The following CEP162 variants were observed in gnomAD, a reference collection of about 807,000 sequenced individuals.
CEP162 encodes centrosomal protein of 162 kDa.
In CEP162, 141 loss-of-function variants were observed where a neutral mutation model predicts 169.2. The observed-to-expected ratio is 0.83, with a 90% CI of 0.73 to 0.96. The LOEUF (loss-of-function observed/expected upper bound fraction) is 0.96, where lower values mean the gene tolerates loss of function less well. CEP162 is among the 40% of genes least tolerant of loss of function. The pLI, the probability that CEP162 is intolerant of heterozygous loss-of-function variation, is 0.00. For missense variants in CEP162, 1,600 were observed against 1,587.2 expected, an observed-to-expected ratio of 1.01 and a Z score of -0.14; for synonymous variants, 540 against 526.4, an observed-to-expected ratio of 1.03 and a Z score of -0.35.
chr6:84,164,624 C>T (rs2099527073), intron 18 of CEP162, among the ~76,000 whole-genome samples: 1 of 152,084 alleles, frequency 6.6e-6, no homozygotes, highest in Non-Finnish European at 1.5e-5. Flanking sequence ...CATGTTCTCA[C>T]TCATAAGTGG....
At chr6:84,220,525 C>T (rs1284338469) in intron 3 of CEP162, among the ~76,000 whole-genome samples, 3 of 152,042 alleles carry the variant, frequency 2.0e-5, no homozygotes, top group Admixed American at 6.6e-5. Flanking sequence ...CTCAGAAAGC[C>T]GAGGTGGGAA....
At chr6:84,138,057 A>G (rs2099514920) in intron 25 of CEP162, among the ~76,000 whole-genome samples, 1 of 152,228 alleles carries the variant, frequency 6.6e-6, no homozygotes, top group South Asian at 2.1e-4. Flanking sequence ...CTGAAAACTT[A>G]TAAATCATTG....
At chr6:84,160,977 G>A in intron 20 of CEP162, 61 bp from the exon 21 acceptor site, 2 of 1,174,992 alleles carry the variant, frequency 1.7e-6, no homozygotes, top group East Asian at 4.7e-5. Context: ...AAGCTCCAAG[G>A]GGAAAGCATA....
At chr6:84,219,121 T>G (rs2099552663) in intron 3 of CEP162, 1 of 1,210,446 alleles carries the variant, frequency 8.3e-7, no homozygotes, top group African/African-American at 1.6e-5. Flanking sequence ...AGATTAATAA[T>G]GCATTCCTCT....
At chr6:84,165,643 G>A (rs994199690) in intron 18 of CEP162, among the ~76,000 whole-genome samples, 30 of 152,022 alleles carry the variant, frequency 2.0e-4, no homozygotes, top group African/African-American at 7.0e-4. Flanking sequence ...CTAAGTGCAT[G>A]GCATGTATTA....
At chr6:84,193,102 C>G (rs537893757) in intron 11 of CEP162, among the ~76,000 whole-genome samples, 2 of 152,234 alleles carry the variant, frequency 1.3e-5, no homozygotes, top group African/African-American at 4.8e-5. Context: ...TACAAGGTTA[C>G]TGTGACATGT....
In CEP162 at chr6:84,201,774, T is replaced by TA; in HGVS notation, c.688-8dup. On this transcript the variant is annotated splice_polypyrimidine_tract_variant and splice_region_variant and intron_variant, in intron 7 of 26. Transcript: ENST00000403245. ...TGCCAGTTTTTTCTTCTTCCTAAAT[T>TA]AAAAAAGGAAAATGATGATATGTTT... 2.3e-6 allele frequency: 3 copies of TA among 1,298,244 alleles called. No homozygotes were observed. Among genetic ancestry groups the TA allele is most frequent in the East Asian group, 2.5e-5 (1 of 39,550 alleles). The allele number at this position is 1,298,244 out of a possible 1,614,324, so 80.4% of individuals were successfully genotyped here.
In CEP162 at chr6:84,138,108, A is replaced by G. The variant is rs115134972; in HGVS notation, c.3870+8579T>C. Among the ~76,000 whole-genome samples, 294 of 152,332 alleles carry G rather than the reference A, an allele frequency of 1.9e-3. 1 individual carries two copies. Among genetic ancestry groups the G allele is most frequent in the African/African-American group, 6.8e-3 (282 of 41,574 alleles). On this transcript the variant is annotated intron_variant, in intron 25 of 26. Transcript: ENST00000403245. ...GCCTATAAAATGTTAAAAACACATA[A>G]GCAATCAAAAGTTCACTAATGGTTT...
chr6:84,191,401 A>G (rs1270166129), intron 11 of CEP162, among the ~76,000 whole-genome samples: 4 of 152,216 alleles, frequency 2.6e-5, no homozygotes, highest in Non-Finnish European at 5.9e-5. Context: ...AACCTAATCA[A>G]GGAAAATAAA....
intron 9 of CEP162, among the ~76,000 whole-genome samples, chr6:84,198,120 T>C (rs2127728837): frequency 6.6e-6 from 1 of 152,322 alleles, no homozygotes; most frequent in Non-Finnish European, 1.5e-5. Flanking sequence ...TGTTTAAAGT[T>C]AGCCAATGTT....
rs1741013523 is a variant in CEP162 at position 84,161,751 on chromosome 6, G to A, written c.2671C>T (p.Leu891Phe). Residue 891 changes from leucine to phenylalanine, a missense_variant, in exon 20 of 27, where the codon CTT becomes TTT. Leu to Phe is a conservative substitution (Grantham distance 22). Transcript: ENST00000403245. The part of the protein sequence containing the change: ...EANEEIEKLK[L>F]EIEKLKAESG... The stretch of plus-strand genomic sequence containing the variant: ...CATTCTGAAATATCTATTACCTCAA[G>A]TTTGAGCTTCTCAATTTCCTCATTT... 1.3e-6 allele frequency: 2 copies of A among 1,586,026 alleles called. No individual in the cohort carries two copies. Among genetic ancestry groups the A allele is most frequent in the Non-Finnish European group, 1.7e-6 (2 of 1,165,468 alleles).
intron 13 of CEP162, among the ~76,000 whole-genome samples, chr6:84,179,769 T>C (rs2129226642): frequency 6.6e-6 from 1 of 152,214 alleles, no homozygotes; most frequent in South Asian, 2.1e-4. Flanking sequence ...CCTGGACACA[T>C]ACACCATCCC....
At chr6:84,130,568 T>C (rs1412926966) in intron 25 of CEP162, among the ~76,000 whole-genome samples, 1 of 152,216 alleles carries the variant, frequency 6.6e-6, no homozygotes, top group African/African-American at 2.4e-5. Flanking sequence ...ATTCGACTTC[T>C]TCCTCGTTTA....
intron 18 of CEP162, among the ~76,000 whole-genome samples, chr6:84,165,420 T>C (rs1175801059): frequency 1.3e-5 from 2 of 152,034 alleles, no homozygotes; most frequent in East Asian, 3.9e-4. Context: ...ACAAAAACCG[T>C]ACTTACCTTT....
chr6:84,134,298 G>C lies in CEP162; in HGVS notation c.3871-7786C>G, dbSNP rs192078493. On this transcript the variant is annotated intron_variant, in intron 25 of 26. Coordinates refer to ENST00000403245, the MANE Select transcript of CEP162 (RefSeq NM_014895.4). ...TGGATCTTAGCTTGCTGGGCTCTGT[G>C]GGGGTGGGAATCTGCTGAGCTAGTC... Among the ~76,000 whole-genome samples the C allele has an allele frequency of 1.4e-3, 210 of 152,318 alleles. 1 individual carries two copies. The highest frequency in any genetic ancestry group is 4.3e-3 in the African/African-American group (177 of 41,578).
intron 25 of CEP162, among the ~76,000 whole-genome samples, chr6:84,142,603 T>A (rs757312790): frequency 6.6e-6 from 1 of 152,190 alleles, no homozygotes; most frequent in Non-Finnish European, 1.5e-5. Flanking sequence ...AAATCTGGGA[T>A]ATGATTAGTT....
In CEP162 at chr6:84,196,822, C is replaced by A. The variant is rs183746582; in HGVS notation, c.836-1747G>T. Among the ~76,000 whole-genome samples, 155 of 152,226 alleles carry A rather than the reference C, an allele frequency of 1.0e-3. 4 individuals are homozygous for A. The highest frequency in any genetic ancestry group is 2.2e-4 in the Non-Finnish European group (15 of 68,012). Reference sequence around the variant, plus strand: ...GAATGCCTTACAATGAGATGTCTTTCTAGCTAGTGCTTCAGGTCCCCATGG... The same window carrying A: ...GAATGCCTTACAATGAGATGTCTTTATAGCTAGTGCTTCAGGTCCCCATGG... On this transcript the variant is annotated intron_variant, in intron 9 of 26. Coordinates refer to ENST00000403245, the MANE Select transcript of CEP162 (RefSeq NM_014895.4).
rs1402669843 is a variant in CEP162, at chr6:84,215,934, A to G, written c.173-12T>C. On this transcript the variant is annotated splice_polypyrimidine_tract_variant and intron_variant, in intron 3 of 26. Transcript: ENST00000403245. ...TGTTCCAAGAAGTCCTAGGTACACA[A>G]TTTAATACAGATGAAGATTTATGTT... 1.3e-6 allele frequency: 2 copies of G among 1,528,228 alleles called. No individual in the cohort carries two copies. Among genetic ancestry groups the G allele is most frequent in the Non-Finnish European group, 1.8e-6 (2 of 1,140,034 alleles). 94.7% of individuals were successfully genotyped at this position (1,528,228 alleles called of 1,614,324 possible). A position where few individuals can be genotyped will look rare whatever the true frequency, so the allele number is the denominator to read the frequency against.
At chr6:84,167,296 A>AT (rs2099528194) in intron 18 of CEP162, among the ~76,000 whole-genome samples, 1 of 152,118 alleles carries the variant, frequency 6.6e-6, no homozygotes, top group Admixed American at 6.6e-5. Context: ...GTTTATGATC[A>AT]TCTACTTAAT....
Sources: allele counts gnomAD v4.1 joint callset (sites outside exome capture counted in the v4.1 genomes callset), GRCh38; gene constraint gnomAD v4.1.1; transcripts MANE v1.5; gene names NCBI Gene and HGNC (gene_info 2026-07-23, HGNC 2026-07-21).